CDH4: variants seen among roughly 807,000 people sequenced by gnomAD.
CDH4 encodes the protein cadherin 4, also known as cadherin-4.
Under a neutral mutation model 86.0 loss-of-function variants are expected in CDH4, and 33 were observed. That is an observed-to-expected ratio of 0.38 (90% CI 0.29 to 0.51). The LOEUF is 0.51. Ranked by LOEUF, CDH4 falls within the 20% of genes least tolerant of loss-of-function variation. The probability of loss-of-function intolerance (pLI) is 0.86; values close to 1 mark genes in which losing one functional copy is unlikely to be tolerated. For missense variants in CDH4, 1,114 were observed against 1,307.4 expected (o/e 0.85, Z 2.28); for synonymous variants, 555 against 549.4 (o/e 1.01, Z -0.14).
intron 2 of CDH4, among the ~76,000 whole-genome samples, chr20:61,282,567 GTGTGTA>G (rs2084265454): frequency 6.6e-6 from 1 of 151,380 alleles, no homozygotes; most frequent in Non-Finnish European, 1.5e-5. Context: ...GTGTGTGTGT[GTGTGTA>G]TGTCTATCTG....
rs948818794 is a variant in CDH4 at position 61,852,126 on chromosome 20, C to T, written c.733-628C>T. Among the ~76,000 whole-genome samples the T allele has an allele frequency of 3.3e-5, 5 of 151,952 alleles. No individual in the cohort carries two copies. The East Asian group carries it at 5.8e-4, about 18-fold the overall frequency. On this transcript the variant is annotated intron_variant, in intron 5 of 15. Transcript: ENST00000614565. ...CAGGCCTCCCGGCCCTGCCTCTCCA[C>T]GGATCCCCCCACCCCACCACCCATA... is the stretch of plus-strand genomic sequence containing the variant.
chr20:61,702,095 G>A (rs565862244), intron 2 of CDH4, among the ~76,000 whole-genome samples: 15 of 152,340 alleles, frequency 9.8e-5, no homozygotes, highest in African/African-American at 1.4e-4. Flanking sequence ...GGAAGAAAGC[G>A]TCTTCTTCAC....
rs1568688429 is a variant in CDH4 at position 61,565,214 on chromosome 20, TCGG to T, written c.170-178348_170-178346del. ...CCTCTTGGTGGTGGTCGCGGTGCTCTCGGTGGTAGGTGGTGGTGGTGGTGGTGG... is the reference window on the plus strand; with the variant it reads ...CCTCTTGGTGGTGGTCGCGGTGCTCTTGGTAGGTGGTGGTGGTGGTGGTGG... On this transcript the variant is annotated intron_variant, in intron 2 of 15. Transcript: ENST00000614565. 1.5e-3 allele frequency among the ~76,000 whole-genome samples: 47 copies of T among 31,322 alleles called. 8 individuals are homozygous for T. The highest frequency in any genetic ancestry group is 2.0e-3 in the Non-Finnish European group (34 of 17,194). The allele number at this position is 31,322 out of a possible 152,430, so 20.5% of individuals were successfully genotyped here. A position where few individuals can be genotyped will look rare whatever the true frequency, so the allele number is the denominator to read the frequency against.
At chr20:61,875,924 T>C (rs370379136) in intron 7 of CDH4, among the ~76,000 whole-genome samples, 1 of 131,130 alleles carries the variant, frequency 7.6e-6, no homozygotes, top group Admixed American at 8.1e-5. Flanking sequence ...GCAGCCCCTG[T>C]TTGCGCTCCC....
rs2084991892 is a variant in CDH4 at position 61,392,426 on chromosome 20, C to A, written c.169+137489C>A. ...ACGCACGGCGCCCCGACGTGATTTT[C>A]CAGAGAACTGAGTTCCTTGAATATT... On this transcript the variant is annotated intron_variant, in intron 2 of 15. Coordinates refer to ENST00000614565, the MANE Select transcript of CDH4 (RefSeq NM_001794.5). The surrounding 1 kb of genome is among the most constrained non-coding windows in gnomAD (Gnocchi z 5.7). 6.6e-6 allele frequency among the ~76,000 whole-genome samples: 1 copy of A among 152,160 alleles called. No individual in the cohort carries two copies. Among genetic ancestry groups the A allele is most frequent in the Non-Finnish European group, 1.5e-5 (1 of 68,034 alleles).
chr20:61,430,610 G>A (rs2085241150), intron 2 of CDH4, among the ~76,000 whole-genome samples: 2 of 152,144 alleles, frequency 1.3e-5, no homozygotes, highest in Non-Finnish European at 2.9e-5. Flanking sequence ...CACTGCAATG[G>A]TGCGATTAGA....
chr20:61,623,243 C>A lies in CDH4; in HGVS notation c.170-120320C>A, dbSNP rs1467334266. On this transcript the variant is annotated intron_variant, in intron 2 of 15. Coordinates refer to ENST00000614565, the MANE Select transcript of CDH4 (RefSeq NM_001794.5). This position sits in a 1 kb window ranked among gnomAD's most constrained non-coding sequence, Gnocchi z 4.4. The stretch of plus-strand genomic sequence containing the variant: ...CACCTGCCACGCTGCACCCCACTCA[C>A]CACACTGCGGCGCCTGCTTTTTCCT... Among the ~76,000 whole-genome samples the A allele has an allele frequency of 1.3e-5, 2 of 152,176 alleles. No individual in the cohort carries two copies. The highest frequency in any genetic ancestry group is 1.5e-5 in the Non-Finnish European group (1 of 68,028).
At chr20:61,778,888 A>C (rs1440388099) in intron 4 of CDH4, among the ~76,000 whole-genome samples, 1 of 152,204 alleles carries the variant, frequency 6.6e-6, no homozygotes, top group Non-Finnish European at 1.5e-5. Context: ...CAGTTTGGGC[A>C]GTTGCTATGG....
chr20:61,627,011 C>T (rs562575698), intron 2 of CDH4, among the ~76,000 whole-genome samples: 119 of 152,240 alleles, frequency 7.8e-4, no homozygotes, highest in Middle Eastern at 3.4e-3. Flanking sequence ...GGAGCCTCAG[C>T]TCCAATCACT....
intron 9 of CDH4, among the ~76,000 whole-genome samples, chr20:61,912,304 A>G (rs2054859546): frequency 6.6e-6 from 1 of 152,212 alleles, no homozygotes; most frequent in Middle Eastern, 3.2e-3. Context: ...GAGGGGAGCT[A>G]GATGTTAGGA....
chr20:61,552,518 A>T (rs2086140255), intron 2 of CDH4, among the ~76,000 whole-genome samples: 1 of 152,096 alleles, frequency 6.6e-6, no homozygotes, highest in African/African-American at 2.4e-5. Context: ...TGGCCAACAT[A>T]GTGAAACCCC....
At chr20:61,610,554 G>A (rs1163451259) in intron 2 of CDH4, among the ~76,000 whole-genome samples, 2 of 152,188 alleles carry the variant, frequency 1.3e-5, no homozygotes, top group African/African-American at 4.8e-5. Flanking sequence ...AGTTCCATTC[G>A]TAGACTCTGA....
chr20:61,360,532 C>T (rs1443709148), intron 2 of CDH4, among the ~76,000 whole-genome samples: 2 of 152,178 alleles, frequency 1.3e-5, no homozygotes, highest in Admixed American at 6.5e-5. Context: ...GAGACCCTCC[C>T]GCCTAGGAGC....
chr20:61,622,922 C>T (rs757852129), intron 2 of CDH4, among the ~76,000 whole-genome samples: 97 of 152,274 alleles, frequency 6.4e-4, no homozygotes, highest in African/African-American at 8.7e-4. Flanking sequence ...TTAAGAGCCT[C>T]GCAGTCATGG....
rs1171782211 is a variant in CDH4 at position 61,754,829 on chromosome 20, C to G, written c.396+11040C>G. Among the ~76,000 whole-genome samples the G allele has an allele frequency of 6.6e-6, 1 of 150,816 alleles. No individual in the cohort carries two copies. The highest frequency in any genetic ancestry group is 1.5e-5 in the Non-Finnish European group (1 of 67,634). ...CCACACACACGATGCATGCCACACA[C>G]CACACACATGCCCCACACACACCAC... On this transcript the variant is annotated intron_variant, in intron 3 of 15. Coordinates refer to ENST00000614565, the MANE Select transcript of CDH4 (RefSeq NM_001794.5). The surrounding 1 kb of genome is among the most constrained non-coding windows in gnomAD (Gnocchi z 4.7).
chr20:61,258,329 C>CAAAAAAA (rs778048684), intron 2 of CDH4, among the ~76,000 whole-genome samples: 32,502 of 62,238 alleles, frequency 0.52, 9,497 homozygotes, highest in South Asian at 0.63. Flanking sequence ...GACTCCGTCT[C>CAAAAAAA]AAAAAAAAAA....
rs1050186219 is a variant in CDH4 at position 61,902,847 on chromosome 20, G to A, written c.1189-7575G>A. Among the ~76,000 whole-genome samples the A allele has an allele frequency of 6.6e-6, 1 of 152,074 alleles. No homozygotes were observed. The highest frequency in any genetic ancestry group is 1.5e-5 in the Non-Finnish European group (1 of 68,014). Reference sequence around the variant, plus strand: ...GCGCCTCGTCACCACCTGTCTCAGAGAGCTGATTAAAAATCTCACACCACA... The same window carrying A: ...GCGCCTCGTCACCACCTGTCTCAGAAAGCTGATTAAAAATCTCACACCACA... On this transcript the variant is annotated intron_variant, in intron 8 of 15. Coordinates refer to ENST00000614565, the MANE Select transcript of CDH4 (RefSeq NM_001794.5). This position sits in a 1 kb window ranked among gnomAD's most constrained non-coding sequence, Gnocchi z 4.6.
chr20:61,734,634 C>G (rs1459390181), intron 2 of CDH4, among the ~76,000 whole-genome samples: 4 of 152,172 alleles, frequency 2.6e-5, no homozygotes, highest in Non-Finnish European at 4.4e-5. Flanking sequence ...GGTAGTTTTC[C>G]TTCAGCAGGT....
chr20:61,750,528 T>C (rs1352557331), intron 3 of CDH4, among the ~76,000 whole-genome samples: 2 of 152,188 alleles, frequency 1.3e-5, no homozygotes, highest in African/African-American at 2.4e-5. Context: ...ACCCAAGCTG[T>C]CAGGAAAAAT....
Sources: allele counts gnomAD v4.1 joint callset (sites outside exome capture counted in the v4.1 genomes callset), GRCh38; gene constraint gnomAD v4.1.1; non-coding constraint Gnocchi (gnomAD v3.1); transcripts MANE v1.5; gene names NCBI Gene and HGNC (gene_info 2026-07-23, HGNC 2026-07-21).